The following ABCF3 variants were observed in gnomAD, a reference collection of about 807,000 sequenced individuals.
ABCF3 encodes the protein ATP-binding cassette sub-family F member 3.
In ABCF3, 62 loss-of-function variants were observed where a neutral mutation model predicts 94.3. The observed-to-expected ratio is 0.66, with a 90% CI of 0.54 to 0.81. ABCF3 has a LOEUF of 0.81. Ranked by LOEUF, ABCF3 falls within the 40% of genes least tolerant of loss-of-function variation. The probability of loss-of-function intolerance (pLI) is 0.00; values close to 1 mark genes in which losing one functional copy is unlikely to be tolerated. For missense variants in ABCF3, 843 were observed against 925.3 expected (o/e 0.91, Z 1.15); for synonymous variants, 355 against 361.1 (o/e 0.98, Z 0.19).
At chr3:184,191,741 TAGAG>T (rs1405011108) in intron 16 of ABCF3, among the ~76,000 whole-genome samples, 2 of 35,796 alleles carry the variant, frequency 5.6e-5, no homozygotes, top group African/African-American at 2.5e-4. Flanking sequence ...TCTGTAGAGT[TAGAG>T]TTCCTTTTTT....
At chr3:184,186,956 C>T (rs1715667074) in intron 3 of ABCF3, 81 bp downstream of exon 3, 1 of 1,390,804 alleles carries the variant, frequency 7.2e-7, no homozygotes. Flanking sequence ...CAGCTTAGGG[C>T]TCCTACGTCT....
intron 7 of ABCF3, 76 bp from the exon 8 acceptor site, chr3:184,188,685 T>C: frequency 6.8e-7 from 1 of 1,473,598 alleles, no homozygotes. Flanking sequence ...CCAATGGCCT[T>C]TCCAACGGTA....
Position 184,193,604 on chromosome 3 carries a change from T to A in ABCF3, c.2036T>A (p.Val679Glu). 1.2e-6 allele frequency: 2 copies of A among 1,614,094 alleles called. No homozygotes were observed. The highest frequency in any genetic ancestry group is 1.7e-6 in the Non-Finnish European group (2 of 1,179,998). Residue 679 changes from valine to glutamate, a missense_variant, in exon 21 of 21, where the codon GTA becomes GAA. Physicochemically the swap from Val to Glu is moderately radical, Grantham distance 121. Transcript: ENST00000429586. This position sits in a 1 kb window ranked among gnomAD's most constrained non-coding sequence, Gnocchi z 5.2. ...FIRLVCRELW[V>E]CEGGGVTRVE... ...AGGCTGGTGTGCCGGGAGTTGTGGG[T>A]ATGCGAAGGAGGCGGCGTCACCCGT...
At chr3:184,188,892 C>G in intron 8 of ABCF3, 37 bp from the exon 9 acceptor site, 4 of 1,614,182 alleles carry the variant, frequency 2.5e-6, no homozygotes, top group Non-Finnish European at 3.4e-6. Flanking sequence ...CTTCTGTGGA[C>G]TGTTCCAACT....
In ABCF3 at chr3:184,189,242, T is replaced by C; in HGVS notation, c.1035-13T>C. 6.2e-7 allele frequency: 1 copy of C among 1,614,192 alleles called. No individual in the cohort carries two copies. The highest frequency in any genetic ancestry group is 1.1e-5 in the South Asian group (1 of 91,082). On this transcript the variant is annotated splice_polypyrimidine_tract_variant and intron_variant, in intron 10 of 20. Transcript: ENST00000429586. The stretch of plus-strand genomic sequence containing the variant: ...CTGACCTAAAACCTCAGGCCATGTA[T>C]TGTTTTTCATAGGCCAGATCTTCTG...
chr3:184,192,992 C>T, intron 18 of ABCF3, 96 bp downstream of exon 18: 1 of 1,565,492 alleles, frequency 6.4e-7, no homozygotes, highest in Non-Finnish European at 8.7e-7. Flanking sequence ...GCGTGCAGAG[C>T]AGCCCCGCCA....
At chr3:184,190,199 G>T in intron 14 of ABCF3, 1 of 533,714 alleles carries the variant, frequency 1.9e-6, no homozygotes, top group Non-Finnish European at 3.4e-6. Flanking sequence ...CATACAATAT[G>T]ACCTTTGTGC....
chr3:184,189,554 C>T lies in ABCF3; in HGVS notation c.1114-3C>T, dbSNP rs1715873109. ...CCGGGCCTGCTGTCCTGTGACCCCTCAGACGTGGCCCTCCACCATCCTAGT... is the reference window on the plus strand; with the variant it reads ...CCGGGCCTGCTGTCCTGTGACCCCTTAGACGTGGCCCTCCACCATCCTAGT... On this transcript the variant is annotated splice_region_variant and splice_polypyrimidine_tract_variant and intron_variant, in intron 12 of 20. Coordinates refer to ENST00000429586, the MANE Select transcript of ABCF3 (RefSeq NM_018358.3). 3 of 1,614,116 alleles carry T rather than the reference C, an allele frequency of 1.9e-6. No homozygotes were observed. Among genetic ancestry groups the T allele is most frequent in the Non-Finnish European group, 2.5e-6 (3 of 1,180,044 alleles).
In ABCF3 at chr3:184,186,889, G is replaced by A. The variant is rs1422836401; in HGVS notation, c.301+14G>A. ...CGGAGAACTACGGTGAGAGTGAGGG[G>A]AGGTTGAACTAACTGCCCCCCTGTG... On this transcript the variant is annotated intron_variant, in intron 3 of 20. Transcript: ENST00000429586. The A allele has an allele frequency of 6.2e-7, 1 of 1,611,220 alleles. No individual in the cohort carries two copies.
Position 184,193,737 on chromosome 3 carries a change from T to C in ABCF3, c.*39T>C, listed in dbSNP as rs753852021. On this transcript the variant is annotated 3_prime_UTR_variant, in exon 21 of 21. Transcript: ENST00000429586. This position sits in a 1 kb window ranked among gnomAD's most constrained non-coding sequence, Gnocchi z 5.2. ...AGGACTCGCCCAGGACATGGACTGGTCTCTCAGACCCCTGGGCCACCATGT... is the reference window on the plus strand; with the variant it reads ...AGGACTCGCCCAGGACATGGACTGGCCTCTCAGACCCCTGGGCCACCATGT... 6.5e-7 allele frequency: 1 copy of C among 1,541,400 alleles called. No homozygotes were observed. Among genetic ancestry groups the C allele is most frequent in the African/African-American group, 1.4e-5 (1 of 73,472 alleles).
intron 7 of ABCF3, 71 bp downstream of exon 7, chr3:184,188,478 T>C: frequency 6.5e-7 from 1 of 1,535,768 alleles, no homozygotes; most frequent in Non-Finnish European, 8.8e-7. Context: ...CCTGGAACAA[T>C]CCATAATTTG....
intron 7 of ABCF3, 91 bp from the exon 8 acceptor site, chr3:184,188,670 G>GAGCC: frequency 7.5e-7 from 1 of 1,327,920 alleles, no homozygotes; most frequent in Admixed American, 2.0e-5. Context: ...CCAGCCACAA[G>GAGCC]GTAGCCAATG....
chr3:184,189,440 G>A lies in ABCF3; in HGVS notation c.1110G>A (p.Leu370=). Residue 370 remains leucine (L), a synonymous_variant, in exon 12 of 21, where the codon CTG becomes CTA. Transcript: ENST00000429586. ...VRAILWLENY[L]QTWPSTILVV... ...CCATCCTGTGGCTGGAGAATTACCT[G>A]CAGGTGAGTGCCTGTGGGTGCTGGA... 1 of 1,614,070 alleles carries A rather than the reference G, an allele frequency of 6.2e-7. No individual in the cohort carries two copies. The highest frequency in any genetic ancestry group is 1.3e-5 in the African/African-American group (1 of 75,028).
rs1184956494 is a variant in ABCF3, at chr3:184,187,388, C to G, written c.302-9C>G. The G allele has an allele frequency of 1.2e-6, 2 of 1,613,744 alleles. No individual in the cohort carries two copies. The highest frequency in any genetic ancestry group is 1.7e-6 in the Non-Finnish European group (2 of 1,180,038). Reference sequence around the variant, plus strand: ...GGGAGAAGGTGACTGCTTTTCTTATCGCTTACAGACTGTGGAACCAAACTT... The same window carrying G: ...GGGAGAAGGTGACTGCTTTTCTTATGGCTTACAGACTGTGGAACCAAACTT... On this transcript the variant is annotated splice_polypyrimidine_tract_variant and intron_variant, in intron 3 of 20. Transcript: ENST00000429586.
rs1716146063 is a variant in ABCF3 at position 184,193,299 on chromosome 3, A to G, written c.1883+65A>G. ...CCCTTCTTGCCCAGTAGAAAACTGT[A>G]TCAGAAGGCTTTATTTTCTCTCACC... On this transcript the variant is annotated intron_variant, in intron 19 of 20. Transcript: ENST00000429586. The surrounding 1 kb of genome is among the most constrained non-coding windows in gnomAD (Gnocchi z 5.2). 6.2e-7 allele frequency: 1 copy of G among 1,611,306 alleles called. No individual in the cohort carries two copies.
Position 184,188,831 on chromosome 3 carries a change from G to T in ABCF3, c.907G>T (p.Ala303Ser), listed in dbSNP as rs769478302. The T allele has an allele frequency of 6.2e-7, 1 of 1,613,906 alleles. No individual in the cohort carries two copies. Among genetic ancestry groups the T allele is most frequent in the South Asian group, 1.1e-5 (1 of 91,038 alleles). ...ACTGGAGGAGATTGAGGCTGACAAG[G>T]CACCTGCCAGGTATTTAAAGCTCCC... Reference protein sequence around the residue: ...AKLEEIEADKAPARASVILAG... With the variant: ...AKLEEIEADKSPARASVILAG... The change falls in exon 8 of 21, where the codon GCA (alanine) becomes TCA (serine). Residue 303 changes from alanine (A) to serine (S), a missense_variant. Transcript: ENST00000429586.
At position 184,191,060 on chromosome 3, in the gene ABCF3, TGG is replaced by T; in HGVS notation, c.1436+20_1436+21del. 1 of 1,614,192 alleles carries T rather than the reference TGG, an allele frequency of 6.2e-7. No individual in the cohort carries two copies. The highest frequency in any genetic ancestry group is 8.5e-7 in the Non-Finnish European group (1 of 1,180,030). ...CGTAATGAAGTAAGTGCTGGGCCAG[TGG>T]GGCTGGTGGGGAATTGCTTGCTTCC... is the stretch of plus-strand genomic sequence containing the variant. On this transcript the variant is annotated intron_variant, in intron 15 of 20. Transcript: ENST00000429586.
chr3:184,189,822 A>G (rs1715900948), intron 13 of ABCF3, 33 bp from the exon 14 acceptor site: 1 of 1,614,032 alleles, frequency 6.2e-7, no homozygotes, highest in Non-Finnish European at 8.5e-7. Context: ...TAGTGGGGGA[A>G]TTTGACCAAT....
chr3:184,189,851 G>T lies in ABCF3; in HGVS notation c.1315-4G>T. 1 of 1,614,220 alleles carries T rather than the reference G, an allele frequency of 6.2e-7. No homozygotes were observed. The highest frequency in any genetic ancestry group is 2.2e-5 in the East Asian group (1 of 44,888). Reference sequence around the variant, plus strand: ...GACCAATGCCTACACTCCTCCACCTGCAGGTTTTCATTGACCGGTTTCGCT... The same window carrying T: ...GACCAATGCCTACACTCCTCCACCTTCAGGTTTTCATTGACCGGTTTCGCT... On this transcript the variant is annotated splice_polypyrimidine_tract_variant and splice_region_variant and intron_variant, in intron 13 of 20. Coordinates refer to ENST00000429586, the MANE Select transcript of ABCF3 (RefSeq NM_018358.3).
Sources: allele counts gnomAD v4.1 joint callset (sites outside exome capture counted in the v4.1 genomes callset), GRCh38; gene constraint gnomAD v4.1.1; non-coding constraint Gnocchi (gnomAD v3.1); transcripts MANE v1.5; gene names NCBI Gene and HGNC (gene_info 2026-07-23, HGNC 2026-07-21).